The following C16orf96 variants were observed in gnomAD, a reference collection of about 807,000 sequenced individuals.
C16orf96 encodes chromosome 16 open reading frame 96.
C16orf96 carries 108 observed loss-of-function variants against 103.6 expected under a neutral mutation model. That is an observed-to-expected ratio of 1.04 (90% CI 0.89 to 1.22). The LOEUF (loss-of-function observed/expected upper bound fraction) is 1.22. Ranked by LOEUF, C16orf96 falls within the 50% of genes most tolerant of loss-of-function variation. The pLI is 0.00. For synonymous variants in C16orf96, 566 were observed against 593.5 expected (o/e 0.95, Z 0.67); for missense variants, 1,586 against 1,464.2 (o/e 1.08, Z -1.36).
chr16:4,553,556 T>C (rs899339794), upstream of C16orf96, among the ~76,000 whole-genome samples: 4 of 152,108 alleles, frequency 2.6e-5, no homozygotes, highest in Admixed American at 1.3e-4. Flanking sequence ...CAGGCTGGTC[T>C]CACGCTCTAC....
chr16:4,540,209 A>T, the C16orf96 span, among the ~76,000 whole-genome samples: 1 of 152,212 alleles, frequency 6.6e-6, no homozygotes, highest in Non-Finnish European at 1.5e-5. Context: ...AGGACTGTGA[A>T]GGAGAGGAAG....
At chr16:4,547,238 G>A in the C16orf96 span, among the ~76,000 whole-genome samples, 1 of 152,158 alleles carries the variant, frequency 6.6e-6, no homozygotes, top group South Asian at 2.1e-4. Context: ...AGGTTCAAGC[G>A]ATTCTCCTGC....
the C16orf96 span, among the ~76,000 whole-genome samples, chr16:4,544,915 T>C: frequency 1.3e-5 from 2 of 152,170 alleles, no homozygotes; most frequent in Admixed American, 6.5e-5. Context: ...CCTCGAAAGA[T>C]TGAACGTAGA....
chr16:4,565,071 T>C (rs2059372661), intron 1 of C16orf96, among the ~76,000 whole-genome samples: 1 of 152,204 alleles, frequency 6.6e-6, no homozygotes, highest in African/African-American at 2.4e-5. Flanking sequence ...GTCTAGCTGC[T>C]TGTCTGAGGG....
At chr16:4,574,128 C>T (rs1159137232) in intron 2 of C16orf96, among the ~76,000 whole-genome samples, 3 of 152,256 alleles carry the variant, frequency 2.0e-5, no homozygotes, top group African/African-American at 7.2e-5. Context: ...CCACTGTGCC[C>T]GGCCCTCTTG....
At chr16:4,579,598 C>A (rs1422196982) in intron 6 of C16orf96, among the ~76,000 whole-genome samples, 2 of 130,588 alleles carry the variant, frequency 1.5e-5, no homozygotes, top group African/African-American at 5.6e-5. Flanking sequence ...TGGAAGGCAC[C>A]CTGGTCTGAT....
Position 4,576,446 on chromosome 16 carries a change from A to G in C16orf96, c.1966A>G (p.Ser656Gly). ...CCTCTCTCCCTCCTACTCTGCTGCC[A>G]GCATCGGTCCCGATCCAGCCCTGTC... ...EILSPSYSAA[S>G]IGPDPALSQA... The change falls in exon 5 of 16, where the codon AGC becomes GGC. Residue 656 changes from serine to glycine, a missense_variant. Physicochemically the swap from Ser to Gly is moderately conservative, Grantham distance 56 (BLOSUM62 0). Transcript: ENST00000444310. 1.9e-6 allele frequency: 3 copies of G among 1,551,398 alleles called. No individual in the cohort carries two copies. The highest frequency in any genetic ancestry group is 1.7e-6 in the Non-Finnish European group (2 of 1,147,022).
Position 4,574,764 on chromosome 16 carries a change from A to T in C16orf96, c.581A>T (p.Lys194Met). The change falls in exon 3 of 16, where the codon AAG becomes ATG. Residue 194 changes from lysine (K) to methionine (M), a missense_variant. Physicochemically the swap from Lys to Met is moderately conservative, Grantham distance 95 (BLOSUM62 -1). Transcript: ENST00000444310. ...FAEDFKIQNW[K>M]MVALQREVAS... Reference sequence around the variant, plus strand: ...GAAGACTTCAAAATACAGAACTGGAAGATGGTTGCACTGCAGCGGGAAGTG... The same window carrying T: ...GAAGACTTCAAAATACAGAACTGGATGATGGTTGCACTGCAGCGGGAAGTG... 6.4e-7 allele frequency: 1 copy of T among 1,551,854 alleles called. No homozygotes were observed. The highest frequency in any genetic ancestry group is 8.7e-7 in the Non-Finnish European group (1 of 1,147,086).
At chr16:4,596,660 C>T (rs1203648481) in intron 14 of C16orf96, among the ~76,000 whole-genome samples, 3 of 148,358 alleles carry the variant, frequency 2.0e-5, no homozygotes, top group African/African-American at 7.4e-5. Context: ...CCAGCCTGGG[C>T]GACAGAGCCA....
upstream of C16orf96, among the ~76,000 whole-genome samples, chr16:4,555,746 A>T (rs1186213041): frequency 7.0e-6 from 1 of 143,034 alleles, no homozygotes; most frequent in Non-Finnish European, 1.5e-5. Context: ...TGCCCAGGCT[A>T]AGTGCAGTGG....
chr16:4,598,324 C>T (rs1897216062), intron 14 of C16orf96, among the ~76,000 whole-genome samples: 1 of 151,478 alleles, frequency 6.6e-6, no homozygotes, highest in African/African-American at 2.4e-5. Flanking sequence ...GCACTGCAGC[C>T]TGGGCAAAAG....
chr16:4,580,158 G>A, intron 7 of C16orf96, 33 bp downstream of exon 7: 1 of 1,438,244 alleles, frequency 7.0e-7, no homozygotes. Context: ...GAGAAGGGCT[G>A]GCAAAGGGAG....
intron 1 of C16orf96, among the ~76,000 whole-genome samples, chr16:4,558,543 T>C (rs1416934550): frequency 6.6e-6 from 1 of 151,888 alleles, no homozygotes; most frequent in East Asian, 1.9e-4. Context: ...CCCCAGGAGT[T>C]GGAAGCTGCA....
At chr16:4,574,918 G>A (rs956949197) in intron 3 of C16orf96, 54 bp from the exon 4 acceptor site, 5 of 1,532,658 alleles carry the variant, frequency 3.3e-6, no homozygotes, top group African/African-American at 1.4e-5. Flanking sequence ...GCAGGTGTGG[G>A]GGACACTGCC....
At chr16:4,554,100 T>G (rs1009009695), upstream of C16orf96, among the ~76,000 whole-genome samples, 11 of 152,276 alleles carry the variant, frequency 7.2e-5, no homozygotes, top group African/African-American at 2.6e-4. Flanking sequence ...TGGGATTCTC[T>G]TGTCCCAGAA....
At chr16:4,561,540 G>C (rs1227420362) in intron 1 of C16orf96, 1 of 152,206 alleles carries the variant, frequency 6.6e-6, no homozygotes, top group Non-Finnish European at 1.5e-5. Context: ...ATGGATGAAG[G>C]CTTCTAAAAA....
rs1339432294 is a variant in C16orf96, at chr16:4,593,230, G to C, written c.2781G>C (p.Leu927=). The C allele has an allele frequency of 1.3e-6, 2 of 1,551,030 alleles. No homozygotes were observed. Among genetic ancestry groups the C allele is most frequent in the Non-Finnish European group, 1.7e-6 (2 of 1,146,810 alleles). Residue 927 remains leucine, a synonymous_variant, in exon 12 of 16, where the codon CTG becomes CTC. Transcript: ENST00000444310. The surrounding 1 kb of genome is among the most constrained non-coding windows in gnomAD (Gnocchi z 4.2). ...TGCCCTTGTCCTCCAACAGACAGCT[G>C]ATCACCATCCGCAAAGCCCACCTGC... ...RPVEMMTGPQ[L]ITIRKAHLLS... is the part of the protein sequence containing the mutation.
chr16:4,582,689 G>A lies in C16orf96; in HGVS notation c.2352+2564G>A, dbSNP rs140558703. ...TCTTCAGAGAGACCCAGGCCACCAT[G>A]TCCTGGGGTCATCTTGGTGCCCTTT... On this transcript the variant is annotated intron_variant, in intron 7 of 15. Transcript: ENST00000444310. 2.3e-3 allele frequency among the ~76,000 whole-genome samples: 354 copies of A among 152,236 alleles called. 3 individuals are homozygous for A. The highest frequency in any genetic ancestry group is 7.8e-3 in the African/African-American group (323 of 41,540).
At chr16:4,568,173 G>T (rs567082191) in intron 1 of C16orf96, among the ~76,000 whole-genome samples, 15 of 152,158 alleles carry the variant, frequency 9.9e-5, no homozygotes, top group Non-Finnish European at 2.2e-4. Context: ...CCAAAGTGCT[G>T]AATTACAGGC....
Sources: allele counts gnomAD v4.1 joint callset (sites outside exome capture counted in the v4.1 genomes callset), GRCh38; gene constraint gnomAD v4.1.1; non-coding constraint Gnocchi (gnomAD v3.1); transcripts MANE v1.5; gene names NCBI Gene and HGNC (gene_info 2026-07-23, HGNC 2026-07-21).